The following ADAM9 variants were observed in gnomAD, a reference collection of about 807,000 sequenced individuals.
ADAM9 encodes the protein disintegrin and metalloproteinase domain-containing protein 9.
A neutral mutation model predicts 108.1 loss-of-function variants in ADAM9; 54 were observed. The ratio of observed to expected loss-of-function variants is 0.50; its 90% CI spans 0.40 to 0.63. The LOEUF is 0.63. ADAM9 is among the 20% of genes least tolerant of loss of function. The pLI, the probability that ADAM9 is intolerant of heterozygous loss-of-function variation, is 0.00. For synonymous variants in ADAM9, 316 were observed against 336.0 expected (o/e 0.94, Z 0.65); for missense variants, 830 against 997.7 (o/e 0.83, Z 2.26).
chr8:39,032,096 A>AAG (rs1837113859), intron 11 of ADAM9, among the ~76,000 whole-genome samples: 2 of 152,320 alleles, frequency 1.3e-5, no homozygotes, highest in South Asian at 4.1e-4. Flanking sequence ...CCCTACTGGG[A>AAG]AGTGTCTCCC....
chr8:39,077,370 C>T lies in ADAM9; in HGVS notation c.1840C>T (p.Pro614Ser). Reference protein sequence around the residue: ...DFQLGSDVPDPGMVNEGTKCG... With the variant: ...DFQLGSDVPDSGMVNEGTKCG... ...CCAGCTAGGATCAGATGTTCCAGAT[C>T]CTGGGATGGTTAACGAAGGCACAAA... Residue 614 changes from proline (P) to serine (S), a missense_variant, in exon 16 of 22, where the codon CCT becomes TCT. Physicochemically the swap from Pro to Ser is moderately conservative, Grantham distance 74. Coordinates refer to ENST00000487273, the MANE Select transcript of ADAM9 (RefSeq NM_003816.3). 1 of 1,613,554 alleles carries T rather than the reference C, an allele frequency of 6.2e-7. No homozygotes were observed. Among genetic ancestry groups the T allele is most frequent in the Non-Finnish European group, 8.5e-7 (1 of 1,179,754 alleles).
intron 11 of ADAM9, among the ~76,000 whole-genome samples, chr8:39,036,981 G>A (rs1837296425): frequency 6.6e-6 from 1 of 151,496 alleles, no homozygotes; most frequent in Non-Finnish European, 1.5e-5. Context: ...CTTGTTTAGA[G>A]GTGGTAGACT....
chr8:39,034,013 C>T (rs916131946), intron 11 of ADAM9, among the ~76,000 whole-genome samples: 1 of 152,092 alleles, frequency 6.6e-6, no homozygotes, highest in Admixed American at 6.5e-5. Flanking sequence ...ACAACAACAA[C>T]AAAATCTTCT....
intron 11 of ADAM9, among the ~76,000 whole-genome samples, chr8:39,040,204 C>T (rs1305678592): frequency 6.6e-6 from 1 of 152,124 alleles, no homozygotes; most frequent in African/African-American, 2.4e-5. Flanking sequence ...CGTGCACCAC[C>T]ACACCTGGCT....
chr8:39,052,732 A>G (rs184905541), intron 12 of ADAM9, among the ~76,000 whole-genome samples: 109 of 152,156 alleles, frequency 7.2e-4, no homozygotes, highest in African/African-American at 2.4e-3. Context: ...TACATTATCT[A>G]TTTCCTGATT....
intron 14 of ADAM9, among the ~76,000 whole-genome samples, chr8:39,062,956 T>C (rs1838343775): frequency 1.3e-5 from 2 of 152,240 alleles, no homozygotes; most frequent in Non-Finnish European, 2.9e-5. Context: ...ACTTGCTCAC[T>C]GTGAGCTGCC....
At chr8:39,011,396 A>G (rs1313009820) in intron 2 of ADAM9, among the ~76,000 whole-genome samples, 3 of 152,220 alleles carry the variant, frequency 2.0e-5, no homozygotes, top group Non-Finnish European at 4.4e-5. Flanking sequence ...CCCTGCAGTT[A>G]TAGCTGAATT....
At chr8:39,045,299 T>A (rs1837669425) in intron 12 of ADAM9, among the ~76,000 whole-genome samples, 1 of 105,970 alleles carries the variant, frequency 9.4e-6, no homozygotes, top group South Asian at 2.7e-4. Context: ...TGTGTACACC[T>A]ATACATGTGT....
At position 39,005,354 on chromosome 8, in the gene ADAM9, A is replaced by G. The variant is rs149308713; in HGVS notation, c.98-2532A>G. Among the ~76,000 whole-genome samples the G allele has an allele frequency of 1.2e-4, 18 of 152,340 alleles. No homozygotes were observed. In the East Asian group the frequency reaches 2.5e-3, roughly 21 times the overall value. The stretch of plus-strand genomic sequence containing the variant: ...AAGATTAATAATTAATAAGTGTTCA[A>G]TTTAAGAAAACATTCAGTAAGCTTA... On this transcript the variant is annotated intron_variant, in intron 1 of 21. Coordinates refer to ENST00000487273, the MANE Select transcript of ADAM9 (RefSeq NM_003816.3).
At position 39,055,642 on chromosome 8, in the gene ADAM9, T is replaced by C; in HGVS notation, c.1461T>C (p.Asn487=). The change falls in exon 14 of 22, where the codon AAT becomes AAC. Residue 487 remains asparagine, a synonymous_variant. Coordinates refer to ENST00000487273, the MANE Select transcript of ADAM9 (RefSeq NM_003816.3). ...TSECDVPEYC[N]GSSQFCQPDV... is the part of the protein sequence containing the mutation. Reference sequence around the variant, plus strand: ...AGTGTGATGTTCCAGAGTACTGCAATGGTTCTTCTCAGTTCTGTCAGCCAG... The same window carrying C: ...AGTGTGATGTTCCAGAGTACTGCAACGGTTCTTCTCAGTTCTGTCAGCCAG... The C allele has an allele frequency of 1.2e-6, 2 of 1,613,792 alleles. No homozygotes were observed. Among genetic ancestry groups the C allele is most frequent in the Non-Finnish European group, 1.7e-6 (2 of 1,179,742 alleles).
chr8:39,016,791 T>C (rs1294389811), intron 5 of ADAM9, among the ~76,000 whole-genome samples: 1 of 152,198 alleles, frequency 6.6e-6, no homozygotes, highest in Non-Finnish European at 1.5e-5. Context: ...GGCAATATGT[T>C]CCGTGTGTTT....
At chr8:39,016,721 A>G (rs915657692) in intron 5 of ADAM9, among the ~76,000 whole-genome samples, 2 of 152,216 alleles carry the variant, frequency 1.3e-5, no homozygotes, top group African/African-American at 4.8e-5. Context: ...GTTCTATATA[A>G]GATGAATATG....
intron 12 of ADAM9, among the ~76,000 whole-genome samples, chr8:39,046,073 T>C (rs1190674109): frequency 6.6e-6 from 1 of 152,144 alleles, no homozygotes; most frequent in Non-Finnish European, 1.5e-5. Context: ...TATGGACAAT[T>C]TACCAATTTT....
intron 12 of ADAM9, among the ~76,000 whole-genome samples, chr8:39,047,988 T>G (rs1307182592): frequency 6.6e-6 from 1 of 152,020 alleles, no homozygotes; most frequent in Non-Finnish European, 1.5e-5. Flanking sequence ...TGGGGCAATC[T>G]TGGCTCATTG....
At position 39,105,246 on chromosome 8, in the gene ADAM9, T is replaced by G. The variant is rs1357137134; in HGVS notation, c.*1546T>G. ...ACAATCAAGTATACATATTAAAAAT[T>G]GTGAGCAATCTCAAATGAAGGTCCA... On this transcript the variant is annotated 3_prime_UTR_variant, in exon 22 of 22. Coordinates refer to ENST00000487273, the MANE Select transcript of ADAM9 (RefSeq NM_003816.3). The G allele has an allele frequency of 4.7e-6, 2 of 421,128 alleles. No homozygotes were observed. Among genetic ancestry groups the G allele is most frequent in the South Asian group, 3.5e-5 (2 of 56,710 alleles). The allele number at this position is 421,128 out of a possible 1,614,324, so 26.1% of individuals were successfully genotyped here.
chr8:39,086,095 ATC>A (rs1839172035), intron 18 of ADAM9, among the ~76,000 whole-genome samples: 1 of 151,898 alleles, frequency 6.6e-6, no homozygotes, highest in Non-Finnish European at 1.5e-5. Context: ...GCTCATGGCA[ATC>A]TCTGCCTCCG....
intron 1 of ADAM9, among the ~76,000 whole-genome samples, chr8:39,000,197 T>TTAG (rs1031817075): frequency 6.6e-6 from 1 of 152,090 alleles, no homozygotes; most frequent in African/African-American, 2.4e-5. Flanking sequence ...TTTCACGGTA[T>TTAG]TAGCCAGGAT....
intron 20 of ADAM9, among the ~76,000 whole-genome samples, chr8:39,097,533 C>T (rs879089506): frequency 6.6e-6 from 1 of 152,084 alleles, no homozygotes; most frequent in South Asian, 2.1e-4. Context: ...GTCTCGAACT[C>T]CTGACCTCGT....
chr8:39,011,867 T>C (rs1588330454), intron 3 of ADAM9, 151 bp downstream of exon 3: 2 of 733,320 alleles, frequency 2.7e-6, no homozygotes, highest in South Asian at 3.4e-5. Context: ...GGCAGCTGGC[T>C]GGGCAGGCAG....
Sources: allele counts gnomAD v4.1 joint callset (sites outside exome capture counted in the v4.1 genomes callset), GRCh38; gene constraint gnomAD v4.1.1; transcripts MANE v1.5; gene names NCBI Gene and HGNC (gene_info 2026-07-23, HGNC 2026-07-21).